TWIST2: variants seen among roughly 807,000 people sequenced by gnomAD.
TWIST2 encodes twist family bHLH transcription factor 2.
Under a neutral mutation model 11.6 loss-of-function variants are expected in TWIST2, and 1 was observed. That is an observed-to-expected ratio of 0.09 (90% CI 0.03 to 0.41). The LOEUF is 0.41. Among genes scored for constraint, TWIST2 ranks in the 10% least tolerant of loss-of-function variants. The probability of loss-of-function intolerance (pLI) is 0.98; values close to 1 mark genes in which losing one functional copy is unlikely to be tolerated. For missense variants in TWIST2, 168 were observed against 226.4 expected, an observed-to-expected ratio of 0.74 and a Z score of 1.66; for synonymous variants, 87 against 96.6, an observed-to-expected ratio of 0.90 and a Z score of 0.58.
At chr2:238,859,702 T>C (rs1194670823) in intron 1 of TWIST2, among the ~76,000 whole-genome samples, 1 of 152,142 alleles carries the variant, frequency 6.6e-6, no homozygotes, top group Non-Finnish European at 1.5e-5. Context: ...TTATCCAGTT[T>C]ATCCTCCTGC....
chr2:238,858,257 A>G (rs1037390773), intron 1 of TWIST2, among the ~76,000 whole-genome samples: 1 of 152,344 alleles, frequency 6.6e-6, no homozygotes, highest in African/African-American at 2.4e-5. Context: ...TGAAACCATA[A>G]TTAACTAATT....
At chr2:238,887,461 TCA>T (rs1693061106) in intron 1 of TWIST2, among the ~76,000 whole-genome samples, 1 of 152,364 alleles carries the variant, frequency 6.6e-6, no homozygotes, top group African/African-American at 2.4e-5. Context: ...AATTAAATTA[TCA>T]GTTTCTCAAA....
chr2:238,878,503 C>T (rs190590186), intron 1 of TWIST2, among the ~76,000 whole-genome samples: 71 of 152,304 alleles, frequency 4.7e-4, no homozygotes, highest in East Asian at 7.7e-4. Flanking sequence ...CAGACCCATT[C>T]GGCATCCCAG....
rs1320816435 is a variant in TWIST2, at chr2:238,848,160, GCGGCGCGCGCTCGGCGCCC to G, written c.-49_-31del. ...TGCTCGGCGACCGCGGGCTTGGCCA[GCGGCGCGCGCTCGGCGCCC>G]CGGCGCCCCCAGCCCCACGCGCGCC... On this transcript the variant is annotated 5_prime_UTR_variant, in exon 1 of 2. Coordinates refer to ENST00000612363, the MANE Select transcript of TWIST2 (RefSeq NM_001271893.4). 25 of 1,181,568 alleles carry G rather than the reference GCGGCGCGCGCTCGGCGCCC, an allele frequency of 2.1e-5. No individual in the cohort carries two copies. The highest frequency in any genetic ancestry group is 2.3e-5 in the Non-Finnish European group (22 of 956,232). The allele number at this position is 1,181,568 out of a possible 1,614,324, so 73.2% of individuals were successfully genotyped here. A position where few individuals can be genotyped will look rare whatever the true frequency, so the allele number is the denominator to read the frequency against.
At chr2:238,873,628 A>G (rs1692750806) in intron 1 of TWIST2, among the ~76,000 whole-genome samples, 1 of 152,162 alleles carries the variant, frequency 6.6e-6, no homozygotes, top group Admixed American at 6.5e-5. Context: ...AGGAATACAC[A>G]ACGGGCAGGT....
At chr2:238,908,844 A>T (rs1323762115) in intron 1 of TWIST2, among the ~76,000 whole-genome samples, 1 of 33,684 alleles carries the variant, frequency 3.0e-5, no homozygotes, top group Non-Finnish European at 5.2e-5. Context: ...GGTGTGTGTG[A>T]TGTGTTTGTG....
At chr2:238,893,505 C>T (rs1462186886) in intron 1 of TWIST2, among the ~76,000 whole-genome samples, 2 of 152,166 alleles carry the variant, frequency 1.3e-5, no homozygotes, top group Non-Finnish European at 2.9e-5. Context: ...CTGTGCCTCT[C>T]CACTCTGAAA....
At chr2:238,872,019 C>T (rs143838676) in intron 1 of TWIST2, among the ~76,000 whole-genome samples, 58 of 152,282 alleles carry the variant, frequency 3.8e-4, no homozygotes, top group African/African-American at 1.2e-3. Context: ...CAGAACTCTA[C>T]GCTTCAAAAC....
intron 1 of TWIST2, among the ~76,000 whole-genome samples, chr2:238,870,151 CCACACCCCACACACACCA>C (rs1692626622): frequency 2.8e-5 from 1 of 35,844 alleles, no homozygotes; most frequent in African/African-American, 1.2e-4. Flanking sequence ...CCCATACACA[CCACACCCCACACACACCA>C]CACACCCCAC....
intron 1 of TWIST2, among the ~76,000 whole-genome samples, chr2:238,861,455 CA>C (rs1033782060): frequency 4.3e-4 from 66 of 152,142 alleles, no homozygotes; most frequent in African/African-American, 1.5e-3. Context: ...CTAGAAAGGG[CA>C]CCTCCATCAC....
At chr2:238,891,627 C>T (rs1693135805) in intron 1 of TWIST2, among the ~76,000 whole-genome samples, 1 of 152,052 alleles carries the variant, frequency 6.6e-6, no homozygotes, top group Admixed American at 6.6e-5. Context: ...AGGAGGAGGC[C>T]GAGGTCCTGA....
intron 1 of TWIST2, among the ~76,000 whole-genome samples, chr2:238,891,850 C>T (rs1026263980): frequency 7.9e-5 from 12 of 152,086 alleles, no homozygotes; most frequent in Admixed American, 5.9e-4. Context: ...GCTGGGTCTG[C>T]GGAGTCCGCG....
At chr2:238,860,858 A>G (rs1307735926) in intron 1 of TWIST2, among the ~76,000 whole-genome samples, 1 of 152,182 alleles carries the variant, frequency 6.6e-6, no homozygotes, top group Non-Finnish European at 1.5e-5. Context: ...GAATCGCTTG[A>G]ACCTGGGAGG....
In TWIST2 at chr2:238,863,149, C is replaced by T. The variant is rs1050674242; in HGVS notation, c.*35+14416C>T. Among the ~76,000 whole-genome samples the T allele has an allele frequency of 2.6e-5, 4 of 151,922 alleles. No individual in the cohort carries two copies. The highest frequency in any genetic ancestry group is 9.7e-5 in the African/African-American group (4 of 41,370). On this transcript the variant is annotated intron_variant, in intron 1 of 1. Transcript: ENST00000612363. The surrounding 1 kb of genome is among the most constrained non-coding windows in gnomAD (Gnocchi z 4.7). Reference sequence around the variant, plus strand: ...TGCTTTGTAAAGATAGTGTGGCAGGCACATGCTGACCGACCCTCCCTCCAG... The same window carrying T: ...TGCTTTGTAAAGATAGTGTGGCAGGTACATGCTGACCGACCCTCCCTCCAG...
At chr2:238,858,888 C>T (rs1416331385) in intron 1 of TWIST2, among the ~76,000 whole-genome samples, 1 of 152,112 alleles carries the variant, frequency 6.6e-6, no homozygotes, top group Non-Finnish European at 1.5e-5. Context: ...AAACGTAGCC[C>T]ATTCGTACAA....
At chr2:238,877,729 A>G (rs530699330) in intron 1 of TWIST2, among the ~76,000 whole-genome samples, 90 of 152,350 alleles carry the variant, frequency 5.9e-4, no homozygotes, top group African/African-American at 2.1e-3. Context: ...TTGGAAATAC[A>G]TACTACTGTG....
At chr2:238,881,417 TA>T (rs1692927595) in intron 1 of TWIST2, among the ~76,000 whole-genome samples, 1 of 150,726 alleles carries the variant, frequency 6.6e-6, no homozygotes, top group South Asian at 2.1e-4. Flanking sequence ...GTGTCAGTGT[TA>T]GTGTTAGTAT....
intron 1 of TWIST2, among the ~76,000 whole-genome samples, chr2:238,878,652 G>C (rs1181724463): frequency 2.0e-5 from 3 of 152,218 alleles, no homozygotes; most frequent in Non-Finnish European, 4.4e-5. Context: ...TGTTAACCTG[G>C]AGTTTATTCC....
At chr2:238,852,952 T>A (rs865797509) in intron 1 of TWIST2, among the ~76,000 whole-genome samples, 1 of 152,212 alleles carries the variant, frequency 6.6e-6, no homozygotes, top group Non-Finnish European at 1.5e-5. Context: ...TACTAAGATT[T>A]ATCTCAGAGT....
Sources: allele counts gnomAD v4.1 joint callset (sites outside exome capture counted in the v4.1 genomes callset), GRCh38; gene constraint gnomAD v4.1.1; non-coding constraint Gnocchi (gnomAD v3.1); transcripts MANE v1.5; gene names NCBI Gene and HGNC (gene_info 2026-07-23, HGNC 2026-07-21).